PARD3B: variants seen among roughly 807,000 people sequenced by gnomAD.
The protein encoded by PARD3B is partitioning defective 3 homolog B.
A neutral mutation model predicts 130.2 loss-of-function variants in PARD3B; 103 were observed. That is an observed-to-expected ratio of 0.79 (90% CI 0.67 to 0.93). The LOEUF is 0.93. PARD3B is among the 40% of genes least tolerant of loss of function. The pLI, the probability that PARD3B is intolerant of heterozygous loss-of-function variation, is 0.00. For synonymous variants in PARD3B, 583 were observed against 553.2 expected (o/e 1.05, Z -0.76); for missense variants, 1,609 against 1,499.2 (o/e 1.07, Z -1.21).
chr2:205,574,339 C>T (rs145050575), intron 22 of PARD3B, among the ~76,000 whole-genome samples: 1 of 152,296 alleles, frequency 6.6e-6, no homozygotes, highest in Non-Finnish European at 1.5e-5. Flanking sequence ...AAGATGTCAT[C>T]CTGGTGCCAG....
intron 1 of PARD3B, among the ~76,000 whole-genome samples, chr2:204,601,338 G>T (rs917000504): frequency 3.3e-5 from 5 of 151,854 alleles, no homozygotes; most frequent in African/African-American, 1.2e-4. Flanking sequence ...CACGCTGATG[G>T]GTTTTCCTTT....
intron 2 of PARD3B, among the ~76,000 whole-genome samples, chr2:204,850,663 C>T (rs2044670224): frequency 6.6e-6 from 1 of 152,060 alleles, no homozygotes; most frequent in Non-Finnish European, 1.5e-5. Flanking sequence ...GCAGGGTTCT[C>T]AAAGCCCCTG....
In PARD3B at chr2:204,686,260, ATGT is replaced by A. The variant is rs772433615; in HGVS notation, c.206_208del (p.Val69del). On this transcript the variant is annotated inframe_deletion, in exon 2 of 23. Coordinates refer to ENST00000406610, the MANE Select transcript of PARD3B (RefSeq NM_001302769.2). ...CTGGATCCAGATGATGTCTTGGCAG[ATGT>A]TGTTGAAGATAAAGACAAGGTAGAT... 1.6e-5 allele frequency: 26 copies of A among 1,610,742 alleles called. No individual in the cohort carries two copies. Among genetic ancestry groups the A allele is most frequent in the East Asian group, 2.2e-5 (1 of 44,800 alleles).
At chr2:204,555,208 G>A (rs1017867289) in intron 1 of PARD3B, among the ~76,000 whole-genome samples, 4 of 152,084 alleles carry the variant, frequency 2.6e-5, no homozygotes, top group African/African-American at 7.2e-5. Flanking sequence ...TGCAGACTTC[G>A]CTCTGAATGC....
intron 1 of PARD3B, among the ~76,000 whole-genome samples, chr2:204,653,700 A>G (rs2035556797): frequency 1.3e-5 from 2 of 148,966 alleles, no homozygotes; most frequent in Non-Finnish European, 3.0e-5. Context: ...CTGAGACAGG[A>G]GAATTGCTTG....
At chr2:205,404,135 T>C (rs981253686) in intron 19 of PARD3B, among the ~76,000 whole-genome samples, 4 of 152,370 alleles carry the variant, frequency 2.6e-5, no homozygotes, top group African/African-American at 9.6e-5. Flanking sequence ...TTTTTATGCA[T>C]ATACAGTTGG....
chr2:205,077,395 T>C (rs921057865), intron 4 of PARD3B, among the ~76,000 whole-genome samples: 6 of 152,218 alleles, frequency 3.9e-5, no homozygotes, highest in Non-Finnish European at 8.8e-5. Context: ...TTCTGTTTCT[T>C]TTCTGTTTTT....
intron 2 of PARD3B, among the ~76,000 whole-genome samples, chr2:204,882,480 C>T (rs147469573): frequency 1.9e-3 from 284 of 152,318 alleles, no homozygotes; most frequent in African/African-American, 6.3e-3. Context: ...AAGTGTCTGA[C>T]TGCAAAAGCT....
Position 205,263,266 on chromosome 2 carries a change from G to A in PARD3B, c.2185+17444G>A, listed in dbSNP as rs549279929. 6.6e-6 allele frequency among the ~76,000 whole-genome samples: 1 copy of A among 152,002 alleles called. No individual in the cohort carries two copies. Among genetic ancestry groups the A allele is most frequent in the Admixed American group, 6.6e-5 (1 of 15,248 alleles). On this transcript the variant is annotated intron_variant, in intron 16 of 22. Transcript: ENST00000406610. The surrounding 1 kb of genome is among the most constrained non-coding windows in gnomAD (Gnocchi z 4.0). ...GATTGGCTCCTTCCTTTAATCCAAG[G>A]AGAATTAATCAAGGTGACAAAGGTG...
chr2:205,007,145 G>C (rs1469829901), intron 3 of PARD3B, among the ~76,000 whole-genome samples: 2 of 152,040 alleles, frequency 1.3e-5, no homozygotes, highest in African/African-American at 4.8e-5. Context: ...ATAAGCATCT[G>C]GTATTTCCCC....
intron 21 of PARD3B, among the ~76,000 whole-genome samples, chr2:205,539,456 C>A (rs1424540843): frequency 6.6e-6 from 1 of 152,068 alleles, no homozygotes. Context: ...AGGTATCATC[C>A]TCTAGAGCAG....
intron 20 of PARD3B, among the ~76,000 whole-genome samples, chr2:205,486,453 A>G (rs2049445756): frequency 6.6e-6 from 1 of 152,172 alleles, no homozygotes; most frequent in Non-Finnish European, 1.5e-5. Flanking sequence ...AGTCCATTCT[A>G]GCACTAATAT....
chr2:205,355,883 A>G (rs2044173817), intron 18 of PARD3B, among the ~76,000 whole-genome samples: 1 of 152,112 alleles, frequency 6.6e-6, no homozygotes, highest in African/African-American at 2.4e-5. Flanking sequence ...GCCCCTTATA[A>G]AAACCATCAG....
intron 1 of PARD3B, among the ~76,000 whole-genome samples, chr2:204,616,800 C>T (rs577273137): frequency 2.0e-5 from 3 of 152,242 alleles, no homozygotes; most frequent in Non-Finnish European, 2.9e-5. Context: ...GGAAGTCCTG[C>T]GTGTAGTGGT....
Position 205,183,236 on chromosome 2 carries a change from G to T in PARD3B, c.1925-2528G>T, listed in dbSNP as rs945440240. Among the ~76,000 whole-genome samples the T allele has an allele frequency of 1.3e-5, 2 of 152,116 alleles. No individual in the cohort carries two copies. Among genetic ancestry groups the T allele is most frequent in the Non-Finnish European group, 2.9e-5 (2 of 68,004 alleles). On this transcript the variant is annotated intron_variant, in intron 13 of 22. Coordinates refer to ENST00000406610, the MANE Select transcript of PARD3B (RefSeq NM_001302769.2). This position sits in a 1 kb window ranked among gnomAD's most constrained non-coding sequence, Gnocchi z 5.2. ...GGGAATGGTAAGCTAACGGGTAATG[G>T]GAGATAAAGTTGTTTGCCAGGATCA...
intron 19 of PARD3B, among the ~76,000 whole-genome samples, chr2:205,439,133 A>G (rs1004395685): frequency 6.6e-6 from 1 of 152,152 alleles, no homozygotes; most frequent in African/African-American, 2.4e-5. Context: ...ACTAGCTTCC[A>G]TGTGCAAAAC....
chr2:204,725,415 G>A (rs1296280726), intron 2 of PARD3B, among the ~76,000 whole-genome samples: 1 of 152,028 alleles, frequency 6.6e-6, no homozygotes, highest in East Asian at 1.9e-4. Flanking sequence ...AGCAAACACA[G>A]TAATTTTACT....
intron 2 of PARD3B, among the ~76,000 whole-genome samples, chr2:204,749,179 A>T (rs914851518): frequency 6.6e-5 from 10 of 152,116 alleles, no homozygotes; most frequent in Non-Finnish European, 1.0e-4. Flanking sequence ...AATACCACCG[A>T]GGGCTATTTG....
intron 2 of PARD3B, among the ~76,000 whole-genome samples, chr2:204,803,875 G>A (rs1037823771): frequency 1.3e-5 from 2 of 152,106 alleles, no homozygotes; most frequent in Non-Finnish European, 2.9e-5. Flanking sequence ...AACATTGAAT[G>A]TAAATAGACT....
Sources: allele counts gnomAD v4.1 joint callset (sites outside exome capture counted in the v4.1 genomes callset), GRCh38; gene constraint gnomAD v4.1.1; non-coding constraint Gnocchi (gnomAD v3.1); transcripts MANE v1.5; gene names NCBI Gene and HGNC (gene_info 2026-07-23, HGNC 2026-07-21).